Variants in UGT1A9 observed in about 807,000 individuals in gnomAD.
UGT1A9 encodes the protein UDP glucuronosyltransferase family 1 member A9, also known as UDP-glucuronosyltransferase 1A9.
A neutral mutation model predicts 45.0 loss-of-function variants in UGT1A9; 35 were observed. That is an observed-to-expected ratio of 0.78 (90% CI 0.59 to 1.03). The LOEUF (loss-of-function observed/expected upper bound fraction) is 1.03. Ranked by LOEUF, UGT1A9 falls within the 50% of genes least tolerant of loss-of-function variation. The pLI, the probability that UGT1A9 is intolerant of heterozygous loss-of-function variation, is 0.00. For missense variants in UGT1A9, 687 were observed against 666.6 expected (o/e 1.03, Z -0.34); for synonymous variants, 278 against 250.6 (o/e 1.11, Z -1.03).
At chr2:233,767,302 A>G (rs951994488) in intron 2 of UGT1A9, 137 bp downstream of exon 2, 1 of 1,534,820 alleles carries the variant, frequency 6.5e-7, no homozygotes, top group African/African-American at 1.4e-5. Context: ...TATTAATCCA[A>G]AGGTTTTTTT....
At chr2:233,713,867 T>C (rs2076352815) in intron 1 of UGT1A9, 2 of 1,613,882 alleles carry the variant, frequency 1.2e-6, no homozygotes, top group Non-Finnish European at 1.7e-6. Flanking sequence ...AGGTCTGTAT[T>C]GGTGCCTTTA....
At chr2:233,766,486 C>T (rs562758025) in intron 1 of UGT1A9, among the ~76,000 whole-genome samples, 29 of 152,240 alleles carry the variant, frequency 1.9e-4, no homozygotes, top group African/African-American at 6.5e-4. Flanking sequence ...ATGATGGGGG[C>T]GTGGCAGGCC....
At position 233,768,294 on chromosome 2, in the gene UGT1A9, C is replaced by T. The variant is rs901936528; in HGVS notation, c.1150C>T (p.Pro384Ser). The T allele has an allele frequency of 2.5e-6, 4 of 1,614,146 alleles. No individual in the cohort carries two copies. Among genetic ancestry groups the T allele is most frequent in the Non-Finnish European group, 3.4e-6 (4 of 1,180,048 alleles). The change falls in exon 4 of 5, where the codon CCC becomes TCC. Residue 384 changes from proline to serine, a missense_variant. Physicochemically the swap from Pro to Ser is moderately conservative, Grantham distance 74. Transcript: ENST00000354728. ...TTATGAAAGCATATGCAATGGCGTTCCCATGGTGATGATGCCCTTGTTTGG... is the reference window on the plus strand; with the variant it reads ...TTATGAAAGCATATGCAATGGCGTTTCCATGGTGATGATGCCCTTGTTTGG... ...GVYESICNGV[P>S]MVMMPLFGDQ...
Position 233,672,556 on chromosome 2 carries a change from C to T in UGT1A9, c.622C>T (p.Arg208Trp), listed in dbSNP as rs111861762. The T allele has an allele frequency of 1.1e-4, 171 of 1,613,914 alleles. No individual in the cohort carries two copies. In the African/African-American group the frequency reaches 1.2e-3, roughly 11 times the overall value. The change falls in exon 1 of 5, where the codon CGG becomes TGG. Residue 208 changes from arginine to tryptophan, a missense_variant. Coordinates refer to ENST00000354728, the MANE Select transcript of UGT1A9 (RefSeq NM_021027.3). ...TGCCATGACTTTCAAGGAGAGAGTA[C>T]GGAACCACATCATGCACTTGGAGGA... ...SDAMTFKERV[R>W]NHIMHLEEHL... is the part of the protein sequence containing the mutation.
chr2:233,707,630 ATCCC>A (rs2075978386), intron 1 of UGT1A9, among the ~76,000 whole-genome samples: 1 of 151,038 alleles, frequency 6.6e-6, no homozygotes, highest in Non-Finnish European at 1.5e-5. Flanking sequence ...TACTGAATAT[ATCCC>A]ATTGTATGAA....
chr2:233,695,725 A>G (rs148542326), intron 1 of UGT1A9, among the ~76,000 whole-genome samples: 2 of 152,086 alleles, frequency 1.3e-5, no homozygotes, highest in South Asian at 4.1e-4. Context: ...TTCCAGTTAC[A>G]TTTATGTTGC....
intron 1 of UGT1A9, among the ~76,000 whole-genome samples, chr2:233,760,004 A>G (rs1697302035): frequency 6.6e-6 from 1 of 152,168 alleles, no homozygotes; most frequent in South Asian, 2.1e-4. Flanking sequence ...TGGAAATACT[A>G]ATTTAATGGA....
intron 1 of UGT1A9, among the ~76,000 whole-genome samples, chr2:233,688,558 T>G (rs147203988): frequency 7.5e-4 from 114 of 152,300 alleles, no homozygotes; most frequent in African/African-American, 2.6e-3. Context: ...CTCTAATCCC[T>G]CAGCAAACAT....
chr2:233,700,898 G>C (rs534436227), intron 1 of UGT1A9, among the ~76,000 whole-genome samples: 31 of 151,956 alleles, frequency 2.0e-4, no homozygotes, highest in Middle Eastern at 3.4e-3. Context: ...ACAGTCCCCG[G>C]TGTGTGACGT....
chr2:233,763,230 T>C (rs1698265609), intron 1 of UGT1A9, among the ~76,000 whole-genome samples: 1 of 152,252 alleles, frequency 6.6e-6, no homozygotes, highest in African/African-American at 2.4e-5. Context: ...AATATGTTTT[T>C]AAATTGTACC....
intron 1 of UGT1A9, chr2:233,743,378 C>T: frequency 3.4e-6 from 4 of 1,169,960 alleles, no homozygotes; most frequent in South Asian, 1.3e-5. Context: ...CCATCACTAC[C>T]GTAGGACATG....
chr2:233,719,161 T>C, intron 1 of UGT1A9: 2 of 1,614,250 alleles, frequency 1.2e-6, no homozygotes, highest in Non-Finnish European at 1.7e-6. Flanking sequence ...TCTAGAAGTA[T>C]GGCAATTATG....
chr2:233,672,472 G>A lies in UGT1A9; in HGVS notation c.538G>A (p.Gly180Ser), dbSNP rs2074228184. Residue 180 changes from glycine to serine, a missense_variant, in exon 1 of 5, where the codon GGT (glycine) becomes AGT (serine). Coordinates refer to ENST00000354728, the MANE Select transcript of UGT1A9 (RefSeq NM_021027.3). ...AATACTTTGCCACTATCTTGAAGAA[G>A]GTGCACAGTGCCCTGCTCCTCTTTC... ...RGILCHYLEE[G>S]AQCPAPLSYV... 1.9e-6 allele frequency: 3 copies of A among 1,613,866 alleles called. No individual in the cohort carries two copies. Among genetic ancestry groups the A allele is most frequent in the East Asian group, 4.5e-5 (2 of 44,882 alleles).
At chr2:233,725,897 G>A (rs2077482523) in intron 1 of UGT1A9, among the ~76,000 whole-genome samples, 1 of 152,122 alleles carries the variant, frequency 6.6e-6, no homozygotes, top group Admixed American at 6.5e-5. Flanking sequence ...GCAGGTGGGT[G>A]GCTCACACCT....
intron 1 of UGT1A9, among the ~76,000 whole-genome samples, chr2:233,732,023 C>A (rs1433025634): frequency 6.6e-6 from 1 of 152,226 alleles, no homozygotes; most frequent in Non-Finnish European, 1.5e-5. Context: ...ATTTGCATTT[C>A]TCTGATGACC....
intron 1 of UGT1A9, among the ~76,000 whole-genome samples, chr2:233,697,925 G>A (rs1053840529): frequency 6.6e-6 from 1 of 152,092 alleles, no homozygotes; most frequent in Non-Finnish European, 1.5e-5. Flanking sequence ...TAGAAGTCTA[G>A]GGTATTGGAA....
At chr2:233,747,347 G>A (rs1693638720) in intron 1 of UGT1A9, 5 of 1,603,376 alleles carry the variant, frequency 3.1e-6, no homozygotes, top group Non-Finnish European at 4.3e-6. Context: ...CTCGCATGCG[G>A]GAGGCCGTGC....
chr2:233,713,340 A>G, intron 1 of UGT1A9: 1 of 1,614,260 alleles, frequency 6.2e-7, no homozygotes, highest in Non-Finnish European at 8.5e-7. Context: ...AATGGCAATT[A>G]TGAACAATAT....
chr2:233,749,307 G>A (rs1308092621), intron 1 of UGT1A9, among the ~76,000 whole-genome samples: 5 of 151,782 alleles, frequency 3.3e-5, no homozygotes, highest in Non-Finnish European at 7.4e-5. Context: ...TAAAATATGT[G>A]TTTATTAGAT....
Sources: gnomAD v4.1 joint callset for allele counts (sites outside exome capture counted in the v4.1 genomes callset) on GRCh38, gnomAD v4.1.1 for gene constraint, MANE v1.5 for transcripts, NCBI Gene and HGNC (gene_info 2026-07-23, HGNC 2026-07-21) for gene names.